Variants in PRKCE observed in about 807,000 individuals in gnomAD.
PRKCE encodes the protein protein kinase C epsilon.
Under a neutral mutation model 85.4 loss-of-function variants are expected in PRKCE, and 16 were observed. The observed-to-expected ratio is 0.19, with a 90% CI of 0.13 to 0.28. The LOEUF is 0.28. Among genes scored for constraint, PRKCE ranks in the 10% least tolerant of loss-of-function variants. The pLI is 1.00. For missense variants in PRKCE, 573 were observed against 975.2 expected (o/e 0.59, Z 5.49); for synonymous variants, 388 against 371.5 (o/e 1.04, Z -0.51).
intron 11 of PRKCE, among the ~76,000 whole-genome samples, chr2:46,106,419 A>G (rs969120545): frequency 2.0e-5 from 3 of 152,242 alleles, no homozygotes; most frequent in Admixed American, 6.5e-5. Context: ...CTGCTGTGGG[A>G]AAAACTTTAT....
In PRKCE at chr2:46,159,521, G is replaced by T. The variant is rs1302789590; in HGVS notation, c.1921-85G>T. On this transcript the variant is annotated intron_variant, in intron 13 of 14. Transcript: ENST00000306156. The surrounding 1 kb of genome is among the most constrained non-coding windows in gnomAD (Gnocchi z 4.1). ...CTTGGGAGGCGATGCTGAAGATGCTGCTTTGGCTGACCTCCATCTGTCCCT... is the reference window on the plus strand; with the variant it reads ...CTTGGGAGGCGATGCTGAAGATGCTTCTTTGGCTGACCTCCATCTGTCCCT... 2 of 1,416,556 alleles carry T rather than the reference G, an allele frequency of 1.4e-6. No homozygotes were observed. The highest frequency in any genetic ancestry group is 5.2e-5 in the Admixed American group (2 of 38,632). The allele number at this position is 1,416,556 out of a possible 1,614,324, so 87.7% of individuals were successfully genotyped here. A position where few individuals can be genotyped will look rare whatever the true frequency, so the allele number is the denominator to read the frequency against.
At chr2:46,116,744 C>G (rs1165084055) in intron 11 of PRKCE, among the ~76,000 whole-genome samples, 1 of 68,556 alleles carries the variant, frequency 1.5e-5, no homozygotes, top group East Asian at 3.2e-3. Context: ...GATGCCTGTT[C>G]GGAGAAAAAA....
chr2:45,682,691 A>G (rs1677002114), intron 1 of PRKCE, among the ~76,000 whole-genome samples: 1 of 152,128 alleles, frequency 6.6e-6, no homozygotes, highest in African/African-American at 2.4e-5. Flanking sequence ...GATTCAAGCA[A>G]TTCTCCTGCC....
At chr2:45,827,564 C>T (rs1690049857) in intron 1 of PRKCE, among the ~76,000 whole-genome samples, 1 of 152,158 alleles carries the variant, frequency 6.6e-6, no homozygotes, top group African/African-American at 2.4e-5. Context: ...GAGAGTTGCC[C>T]ATTTTCAGAG....
At chr2:46,103,099 T>G (rs1671393176) in intron 11 of PRKCE, among the ~76,000 whole-genome samples, 1 of 152,254 alleles carries the variant, frequency 6.6e-6, no homozygotes, top group Non-Finnish European at 1.5e-5. Flanking sequence ...ATTTGCTCAT[T>G]TATTTATATC....
chr2:45,661,006 C>T (rs922098449), intron 1 of PRKCE, among the ~76,000 whole-genome samples: 2 of 152,142 alleles, frequency 1.3e-5, no homozygotes, highest in African/African-American at 4.8e-5. Context: ...TCATGAAACC[C>T]AGATGCTGAA....
intron 1 of PRKCE, among the ~76,000 whole-genome samples, chr2:45,761,279 A>G (rs1346314851): frequency 1.4e-5 from 2 of 141,116 alleles, no homozygotes; most frequent in African/African-American, 2.6e-5. Context: ...GTAAGCCGAG[A>G]TCACACCACT....
chr2:46,167,194 C>T (rs914719502), intron 14 of PRKCE, among the ~76,000 whole-genome samples: 1 of 152,112 alleles, frequency 6.6e-6, no homozygotes, highest in African/African-American at 2.4e-5. Context: ...GAATCAGATG[C>T]AACCAGGTTC....
At chr2:45,725,685 G>T (rs1292351992) in intron 1 of PRKCE, among the ~76,000 whole-genome samples, 1 of 152,076 alleles carries the variant, frequency 6.6e-6, no homozygotes, top group African/African-American at 2.4e-5. Context: ...ATAAAAATTA[G>T]CTGGGCGTGG....
At chr2:45,896,121 G>C (rs1166022033) in intron 2 of PRKCE, among the ~76,000 whole-genome samples, 1 of 152,190 alleles carries the variant, frequency 6.6e-6, no homozygotes, top group Non-Finnish European at 1.5e-5. Flanking sequence ...GTGTTGCCTT[G>C]TCCGAGTCAG....
chr2:45,732,032 G>A (rs1435717013), intron 1 of PRKCE, among the ~76,000 whole-genome samples: 1 of 152,168 alleles, frequency 6.6e-6, no homozygotes, highest in Non-Finnish European at 1.5e-5. Flanking sequence ...CCCTTAGAAA[G>A]TCTTTCCTGT....
At chr2:45,753,637 GCATT>G (rs1683765986) in intron 1 of PRKCE, among the ~76,000 whole-genome samples, 2 of 152,008 alleles carry the variant, frequency 1.3e-5, no homozygotes, top group Non-Finnish European at 2.9e-5. Context: ...TGCGCCCATA[GCATT>G]CTTCCCTTCC....
At chr2:45,729,255 C>T (rs1218048931) in intron 1 of PRKCE, among the ~76,000 whole-genome samples, 1 of 152,202 alleles carries the variant, frequency 6.6e-6, no homozygotes, top group Non-Finnish European at 1.5e-5. Context: ...AGTGCAGTCT[C>T]TGTTTGCACT....
At chr2:45,899,974 T>C (rs1159446248) in intron 2 of PRKCE, among the ~76,000 whole-genome samples, 1 of 152,244 alleles carries the variant, frequency 6.6e-6, no homozygotes, top group Non-Finnish European at 1.5e-5. Flanking sequence ...AAGTTACTTT[T>C]ACTTAGCTGC....
intron 10 of PRKCE, among the ~76,000 whole-genome samples, chr2:46,025,287 G>T (rs532391677): frequency 6.6e-6 from 1 of 152,158 alleles, no homozygotes; most frequent in South Asian, 2.1e-4. Context: ...ACCAGGGAAC[G>T]TAAGACATCT....
intron 2 of PRKCE, among the ~76,000 whole-genome samples, chr2:45,853,956 G>C (rs1227099485): frequency 6.6e-6 from 1 of 152,124 alleles, no homozygotes; most frequent in Non-Finnish European, 1.5e-5. Flanking sequence ...GCCACCTCCT[G>C]GGAGCCTTCC....
chr2:46,010,636 T>C, intron 10 of PRKCE, 119 bp downstream of exon 10: 1 of 1,599,346 alleles, frequency 6.3e-7, no homozygotes, highest in Non-Finnish European at 8.5e-7. Flanking sequence ...GGATGGGTTT[T>C]ACCCTTGAAA....
chr2:45,979,108 A>G, intron 4 of PRKCE, 98 bp downstream of exon 4: 1 of 1,147,108 alleles, frequency 8.7e-7, no homozygotes, highest in Non-Finnish European at 1.3e-6. Context: ...TGACATTTGG[A>G]GGCTCTCCAC....
At chr2:45,927,806 T>G (rs1698744603) in intron 2 of PRKCE, among the ~76,000 whole-genome samples, 1 of 152,206 alleles carries the variant, frequency 6.6e-6, no homozygotes, top group African/African-American at 2.4e-5. Context: ...AAAATACATC[T>G]TTATTTTTCC....
Sources: gnomAD v4.1 joint callset for allele counts (sites outside exome capture counted in the v4.1 genomes callset) on GRCh38, gnomAD v4.1.1 for gene constraint, Gnocchi (gnomAD v3.1) non-coding constraint, MANE v1.5 for transcripts, NCBI Gene and HGNC (gene_info 2026-07-23, HGNC 2026-07-21) for gene names.